ZNF609: variants seen among roughly 807,000 people sequenced by gnomAD.
The protein encoded by ZNF609 is zinc finger protein 609.
In ZNF609, 11 loss-of-function variants were observed where a neutral mutation model predicts 109.5. The observed-to-expected ratio is 0.10, with a 90% CI of 0.06 to 0.17. ZNF609 has a LOEUF of 0.17. Among genes scored for constraint, ZNF609 ranks in the 10% least tolerant of loss-of-function variants. ZNF609 has a pLI of 1.00. For synonymous variants in ZNF609, 646 were observed against 662.0 expected (o/e 0.98, Z 0.37); for missense variants, 1,559 against 1,772.4 (o/e 0.88, Z 2.16).
chr15:64,526,730 C>G (rs1893972616), intron 2 of ZNF609, among the ~76,000 whole-genome samples: 1 of 152,134 alleles, frequency 6.6e-6, no homozygotes, highest in Non-Finnish European at 1.5e-5. Flanking sequence ...CTTGACCTCC[C>G]AGGCTCAAGC....
chr15:64,548,240 C>G (rs1744110337), intron 2 of ZNF609, among the ~76,000 whole-genome samples: 1 of 152,156 alleles, frequency 6.6e-6, no homozygotes, highest in South Asian at 2.1e-4. Flanking sequence ...TACCAAGTTG[C>G]ATAATTTCTC....
At chr15:64,679,988 C>T (rs894139899) in intron 6 of ZNF609, among the ~76,000 whole-genome samples, 197 bp from the exon 7 acceptor site, 1 of 152,118 alleles carries the variant, frequency 6.6e-6, no homozygotes, top group Non-Finnish European at 1.5e-5. Flanking sequence ...GGGCCATGTT[C>T]CTAATATCCC....
intron 3 of ZNF609, among the ~76,000 whole-genome samples, chr15:64,638,245 C>A (rs1025647421): frequency 6.6e-6 from 1 of 151,564 alleles, no homozygotes; most frequent in African/African-American, 2.4e-5. Context: ...GGGTTCTCTT[C>A]TGTTCCATTT....
chr15:64,639,225 G>A (rs1303045480), intron 3 of ZNF609, among the ~76,000 whole-genome samples: 3 of 152,192 alleles, frequency 2.0e-5, no homozygotes, highest in Non-Finnish European at 4.4e-5. Flanking sequence ...GACTTAGACT[G>A]CAGTCTAGCA....
rs1896874799 is a variant in ZNF609, at chr15:64,680,821, A to T, written c.4121A>T (p.Tyr1374Phe). Residue 1374 changes from tyrosine (Y) to phenylalanine (F), a missense_variant, in exon 8 of 10, where the codon TAC (tyrosine) becomes TTC (phenylalanine). Transcript: ENST00000326648. Reference sequence around the variant, plus strand: ...CACCACCACCACCACCACTTGGGGTACTCATTGCTCCCAGCACAGTACAAC... The same window carrying T: ...CACCACCACCACCACCACTTGGGGTTCTCATTGCTCCCAGCACAGTACAAC... ...STHHHHHHLGYSLLPAQYNLP... is the reference protein window; with the variant it reads ...STHHHHHHLGFSLLPAQYNLP... 6.2e-7 allele frequency: 1 copy of T among 1,612,874 alleles called. No individual in the cohort carries two copies. Among genetic ancestry groups the T allele is most frequent in the African/African-American group, 1.3e-5 (1 of 74,974 alleles).
chr15:64,471,995 C>G (rs990326922), intron 1 of ZNF609, among the ~76,000 whole-genome samples: 2 of 152,160 alleles, frequency 1.3e-5, no homozygotes, highest in African/African-American at 4.8e-5. Context: ...ACTGCATCCT[C>G]AGCCTCCTGG....
At chr15:64,626,837 C>T (rs942469202) in intron 3 of ZNF609, among the ~76,000 whole-genome samples, 1 of 152,172 alleles carries the variant, frequency 6.6e-6, no homozygotes, top group African/African-American at 2.4e-5. Context: ...AACCGTGGGA[C>T]TGTTAAGAAG....
At chr15:64,616,588 C>T (rs1438744115) in intron 2 of ZNF609, among the ~76,000 whole-genome samples, 4 of 137,872 alleles carry the variant, frequency 2.9e-5, no homozygotes, top group Non-Finnish European at 6.0e-5. Context: ...GGCGTGATCT[C>T]GGCTCACTGC....
At chr15:64,579,911 G>A (rs1895069123) in intron 2 of ZNF609, among the ~76,000 whole-genome samples, 2 of 152,150 alleles carry the variant, frequency 1.3e-5, no homozygotes, top group Non-Finnish European at 2.9e-5. Flanking sequence ...ACTATGGCAG[G>A]TAGGCAGAAT....
chr15:64,674,669 C>T lies in ZNF609; in HGVS notation c.1815C>T (p.Ser605=). 6.2e-7 allele frequency: 1 copy of T among 1,614,110 alleles called. No individual in the cohort carries two copies. The highest frequency in any genetic ancestry group is 8.5e-7 in the Non-Finnish European group (1 of 1,180,032). Residue 605 remains serine, a synonymous_variant, in exon 5 of 10, where the codon TCC becomes TCT. Coordinates refer to ENST00000326648, the MANE Select transcript of ZNF609 (RefSeq NM_015042.2). ...GEGDTDLGAL[S]NDGSDDGPSV... ...GGGACACAGACCTTGGGGCCTTATC[C>T]AATGATGGCTCTGATGATGGACCCT...
At chr15:64,672,141 T>C (rs1377018357) in intron 4 of ZNF609, among the ~76,000 whole-genome samples, 1 of 149,372 alleles carries the variant, frequency 6.7e-6, no homozygotes, top group Non-Finnish European at 1.5e-5. Flanking sequence ...GCCTCCCGAG[T>C]AGCTGGGACT....
intron 2 of ZNF609, among the ~76,000 whole-genome samples, chr15:64,547,217 T>C (rs1894379744): frequency 6.6e-6 from 1 of 152,248 alleles, no homozygotes; most frequent in Non-Finnish European, 1.5e-5. Context: ...TTAGCCCTTA[T>C]TTCTAGCAGT....
intron 2 of ZNF609, among the ~76,000 whole-genome samples, chr15:64,557,103 T>C (rs766297262): frequency 2.6e-5 from 4 of 152,088 alleles, no homozygotes; most frequent in Non-Finnish European, 5.9e-5. Context: ...TTTGAAATTA[T>C]GGGATTTGGT....
At position 64,680,323 on chromosome 15, in the gene ZNF609, A is replaced by G; in HGVS notation, c.3908A>G (p.Gln1303Arg). ...GAGTCCAAAGCCCTGGACATCTTGCAGCAGCATGCCAGTCACTACAAGAGC... is the reference window on the plus strand; with the variant it reads ...GAGTCCAAAGCCCTGGACATCTTGCGGCAGCATGCCAGTCACTACAAGAGC... ...SSESKALDIL[Q>R]QHASHYKSKS... Residue 1303 changes from glutamine to arginine, a missense_variant, in exon 7 of 10, where the codon CAG becomes CGG. This residue lies in a region of ZNF609 where 1,204 missense variants were observed against 1,314.1 expected (regional missense o/e 0.92). Coordinates refer to ENST00000326648, the MANE Select transcript of ZNF609 (RefSeq NM_015042.2). 6.2e-7 allele frequency: 1 copy of G among 1,614,230 alleles called. No individual in the cohort carries two copies. The highest frequency in any genetic ancestry group is 8.5e-7 in the Non-Finnish European group (1 of 1,180,042).
intron 7 of ZNF609, 128 bp downstream of exon 7, chr15:64,680,488 C>T (rs1226553719): frequency 1.8e-5 from 24 of 1,326,188 alleles, no homozygotes; most frequent in Non-Finnish European, 2.3e-5. Context: ...ACTGGCAGCC[C>T]CCAGGGCATC....
chr15:64,662,005 GGTC>G (rs1193260913), intron 3 of ZNF609, among the ~76,000 whole-genome samples: 3 of 152,164 alleles, frequency 2.0e-5, no homozygotes, highest in Non-Finnish European at 4.4e-5. Flanking sequence ...TTAACTGGGT[GGTC>G]TGACTCAGGG....
intron 2 of ZNF609, chr15:64,502,600 C>T (rs975227224): frequency 1.3e-5 from 2 of 152,094 alleles, no homozygotes; most frequent in East Asian, 3.8e-4. Flanking sequence ...GTAGGGATAA[C>T]AAACAGAACC....
chr15:64,515,537 C>A (rs1595704679), intron 2 of ZNF609, among the ~76,000 whole-genome samples: 1 of 152,210 alleles, frequency 6.6e-6, no homozygotes, highest in African/African-American at 2.4e-5. Flanking sequence ...TGCCCCTCAG[C>A]CTTTGTGAAA....
chr15:64,678,400 C>T lies in ZNF609; in HGVS notation c.3687C>T (p.His1229=), dbSNP rs780845639. ...ACCAGTCCTACATCCCCTACATGCACGGCTATTCCTACAGTCAGTCCTACG... is the reference window on the plus strand; with the variant it reads ...ACCAGTCCTACATCCCCTACATGCATGGCTATTCCTACAGTCAGTCCTACG... ...TQHQSYIPYM[H]GYSYSQSYDP... is the part of the protein sequence containing the mutation. Residue 1229 remains histidine (H), a synonymous_variant, in exon 6 of 10, where the codon CAC becomes CAT. Coordinates refer to ENST00000326648, the MANE Select transcript of ZNF609 (RefSeq NM_015042.2). 1.9e-6 allele frequency: 3 copies of T among 1,613,762 alleles called. No homozygotes were observed. Among genetic ancestry groups the T allele is most frequent in the Non-Finnish European group, 1.7e-6 (2 of 1,179,774 alleles).
Sources: gnomAD v4.1 joint callset for allele counts (sites outside exome capture counted in the v4.1 genomes callset) on GRCh38, gnomAD v4.1.1 for gene constraint, gnomAD v4.1.1 regional missense constraint, MANE v1.5 for transcripts, NCBI Gene and HGNC (gene_info 2026-07-23, HGNC 2026-07-21) for gene names.